RAD51B: variants seen among roughly 807,000 people sequenced by gnomAD.
RAD51B encodes the protein DNA repair protein RAD51 homolog 2.
In RAD51B, 38 loss-of-function variants were observed where a neutral mutation model predicts 42.2. That is an observed-to-expected ratio of 0.90 (90% confidence interval 0.70 to 1.18). The LOEUF is 1.18. Among genes scored for constraint, RAD51B ranks in the 50% most tolerant of loss-of-function variants. The pLI, the probability that RAD51B is intolerant of heterozygous loss-of-function variation, is 0.00. For missense variants in RAD51B, 373 were observed against 400.7 expected (o/e 0.93, Z 0.59); for synonymous variants, 154 against 145.2 (o/e 1.06, Z -0.43).
chr14:68,491,764 G>A (rs1884094286), intron 10 of RAD51B, among the ~76,000 whole-genome samples: 1 of 152,236 alleles, frequency 6.6e-6, no homozygotes, highest in Non-Finnish European at 1.5e-5. Context: ...CAGGGGGCCT[G>A]TGAAGATGAC....
At chr14:67,908,771 A>G (rs2140108329) in intron 7 of RAD51B, 1 of 152,312 alleles carries the variant, frequency 6.6e-6, no homozygotes, top group South Asian at 2.1e-4. Flanking sequence ...ACTCAGTTCT[A>G]TGAACTGGGA....
At chr14:67,890,377 G>T (rs1469387182) in intron 7 of RAD51B, among the ~76,000 whole-genome samples, 1 of 151,652 alleles carries the variant, frequency 6.6e-6, no homozygotes, top group East Asian at 1.9e-4. Flanking sequence ...CTGCCAGTTT[G>T]GGGATTTTTT....
chr14:68,638,827 C>T (rs1319956755), intron 10 of RAD51B, among the ~76,000 whole-genome samples: 1 of 152,134 alleles, frequency 6.6e-6, no homozygotes, highest in Admixed American at 6.5e-5. Flanking sequence ...AACAGCCCAT[C>T]TCAGAGAAGG....
intron 8 of RAD51B, among the ~76,000 whole-genome samples, chr14:68,307,296 C>T (rs186105283): frequency 5.9e-4 from 90 of 152,264 alleles, no homozygotes; most frequent in African/African-American, 1.9e-3. Context: ...ACTTTGTATC[C>T]GTAACCTGAT....
At chr14:68,260,293 G>T (rs1187380157) in intron 7 of RAD51B, among the ~76,000 whole-genome samples, 1 of 144,764 alleles carries the variant, frequency 6.9e-6, no homozygotes, top group Non-Finnish European at 1.5e-5. Context: ...GTGTGGCTGA[G>T]AGACCGTGTG....
chr14:68,655,375 T>G (rs778050708), intron 11 of RAD51B, among the ~76,000 whole-genome samples: 6 of 151,380 alleles, frequency 4.0e-5, no homozygotes, highest in Non-Finnish European at 5.9e-5. Context: ...CAGGAACACA[T>G]GGTGATGGGG....
intron 7 of RAD51B, among the ~76,000 whole-genome samples, chr14:67,953,272 G>A (rs1365507700): frequency 6.6e-6 from 1 of 152,126 alleles, no homozygotes; most frequent in Non-Finnish European, 1.5e-5. Flanking sequence ...TGGGGTAGGA[G>A]TTAGGCTTTT....
intron 9 of RAD51B, among the ~76,000 whole-genome samples, chr14:68,447,619 C>T (rs1487170660): frequency 6.6e-6 from 1 of 151,790 alleles, no homozygotes; most frequent in East Asian, 1.9e-4. Flanking sequence ...AACAGCTTTT[C>T]TGGCTTATAA....
At position 68,476,009 on chromosome 14, in the gene RAD51B, A is replaced by G. The variant is rs1217985998; in HGVS notation, c.1037-1639A>G. ...TATTTGTTGAGCATCTATTGTTCAC[A>G]AAGCATGGTGCTCAGGGGTCAAGAG... is the stretch of plus-strand genomic sequence containing the variant. On this transcript the variant is annotated intron_variant, in intron 10 of 10. Coordinates refer to ENST00000471583, the MANE Select transcript of RAD51B (RefSeq NM_133510.4). 7.9e-5 allele frequency among the ~76,000 whole-genome samples: 12 copies of G among 151,956 alleles called. No homozygotes were observed. In the South Asian group the frequency reaches 2.1e-3, roughly 26 times the overall value.
intron 10 of RAD51B, among the ~76,000 whole-genome samples, chr14:68,531,272 G>A (rs1887291225): frequency 6.6e-6 from 1 of 152,098 alleles, no homozygotes; most frequent in Admixed American, 6.5e-5. Context: ...AAATATGATG[G>A]TAACTACAAT....
Position 68,443,841 on chromosome 14 carries a change from TA to T in RAD51B, c.958-24319del, listed in dbSNP as rs200083707. On this transcript the variant is annotated intron_variant, in intron 9 of 10. Transcript: ENST00000471583. ...CTATATGAAAACATGAATTTGTGTT[TA>T]AAAAAAAAAAACAAAACTTTCTGCT... 2.4e-3 allele frequency among the ~76,000 whole-genome samples: 341 copies of T among 143,710 alleles called. 2 individuals carry two copies. The highest frequency in any genetic ancestry group is 6.4e-3 in the African/African-American group (252 of 39,324). 94.3% of individuals were successfully genotyped at this position (143,710 alleles called of 152,430 possible).
intron 7 of RAD51B, among the ~76,000 whole-genome samples, chr14:68,200,820 AT>A (rs769801304): frequency 5.5e-4 from 81 of 148,176 alleles, no homozygotes; most frequent in Admixed American, 4.4e-3. Flanking sequence ...TGCCTAGCTA[AT>A]TTTTTTTTTT....
intron 10 of RAD51B, among the ~76,000 whole-genome samples, chr14:68,581,539 G>A (rs1245482537): frequency 2.0e-5 from 3 of 152,172 alleles, no homozygotes; most frequent in South Asian, 2.1e-4. Context: ...GCACAGAGGA[G>A]AGGCTTTGGC....
intron 7 of RAD51B, among the ~76,000 whole-genome samples, chr14:67,975,131 T>C: frequency 6.6e-6 from 1 of 152,222 alleles, no homozygotes; most frequent in East Asian, 1.9e-4. Context: ...GCTAGTAATA[T>C]CGTATCTGTC....
At chr14:68,060,575 C>T (rs544427381) in intron 7 of RAD51B, among the ~76,000 whole-genome samples, 6 of 152,148 alleles carry the variant, frequency 3.9e-5, no homozygotes, top group Non-Finnish European at 8.8e-5. Context: ...GATCTTGTTA[C>T]ATTGTTATGA....
At chr14:67,900,773 T>C (rs1285062022) in intron 7 of RAD51B, among the ~76,000 whole-genome samples, 2 of 152,132 alleles carry the variant, frequency 1.3e-5, no homozygotes, top group Admixed American at 1.3e-4. Context: ...ATGAAGTTTC[T>C]TAGTGCCCCT....
At chr14:68,320,413 A>C (rs1011372911) in intron 8 of RAD51B, among the ~76,000 whole-genome samples, 1 of 152,228 alleles carries the variant, frequency 6.6e-6, no homozygotes, top group South Asian at 2.1e-4. Context: ...AATATCTTTA[A>C]AGAGCCTGAG....
At chr14:68,180,509 A>G (rs369493879) in intron 7 of RAD51B, among the ~76,000 whole-genome samples, 2 of 152,192 alleles carry the variant, frequency 1.3e-5, no homozygotes, top group South Asian at 4.1e-4. Context: ...TGAGTGCTTT[A>G]CTACATTTCA....
chr14:68,548,138 A>T (rs1266647456), intron 10 of RAD51B, among the ~76,000 whole-genome samples: 1 of 152,178 alleles, frequency 6.6e-6, no homozygotes, highest in African/African-American at 2.4e-5. Context: ...CTCTCTGTTA[A>T]TTGCCTCCTC....
Sources: allele counts gnomAD v4.1 joint callset (sites outside exome capture counted in the v4.1 genomes callset), GRCh38; gene constraint gnomAD v4.1.1; transcripts MANE v1.5; gene names NCBI Gene and HGNC (gene_info 2026-07-23, HGNC 2026-07-21).